Variants in SYT9 observed in about 807,000 individuals in gnomAD.
The protein encoded by SYT9 is synaptotagmin-9.
Under a neutral mutation model 48.4 loss-of-function variants are expected in SYT9, and 22 were observed. That is an observed-to-expected ratio of 0.45 (90% CI 0.32 to 0.65). The LOEUF (loss-of-function observed/expected upper bound fraction) is 0.65, where lower values mean the gene tolerates loss of function less well. SYT9 is among the 30% of genes least tolerant of loss of function. The pLI is 0.03. For missense variants in SYT9, 577 were observed against 622.0 expected (o/e 0.93, Z 0.77); for synonymous variants, 265 against 245.0 (o/e 1.08, Z -0.76).
At chr11:7,374,191 G>A (rs1850413428) in intron 3 of SYT9, among the ~76,000 whole-genome samples, 1 of 152,116 alleles carries the variant, frequency 6.6e-6, no homozygotes, top group Admixed American at 6.5e-5. Context: ...CTGTTCCTTT[G>A]TTAGTTTGCT....
chr11:7,423,074 T>C (rs1215841033), intron 6 of SYT9, among the ~76,000 whole-genome samples: 3 of 152,228 alleles, frequency 2.0e-5, no homozygotes, highest in Non-Finnish European at 4.4e-5. Context: ...TCTGAACTGT[T>C]ACAGCAGAAC....
At chr11:7,365,952 C>A (rs183734692) in intron 3 of SYT9, among the ~76,000 whole-genome samples, 2 of 152,278 alleles carry the variant, frequency 1.3e-5, no homozygotes, top group East Asian at 3.9e-4. Flanking sequence ...GATCTCTGAC[C>A]CCTGTTCTGC....
At chr11:7,432,493 G>T (rs1847594488) in intron 6 of SYT9, among the ~76,000 whole-genome samples, 1 of 143,990 alleles carries the variant, frequency 6.9e-6, no homozygotes, top group Non-Finnish European at 1.5e-5. Context: ...GCTGCAGTGA[G>T]CTGAGATTGT....
intron 3 of SYT9, among the ~76,000 whole-genome samples, chr11:7,397,748 A>T (rs985391591): frequency 6.6e-6 from 1 of 152,116 alleles, no homozygotes; most frequent in African/African-American, 2.4e-5. Context: ...TGTTAAATGC[A>T]CCCCTAACTA....
At chr11:7,249,131 C>G (rs1847829197), upstream of SYT9, among the ~76,000 whole-genome samples, 1 of 152,170 alleles carries the variant, frequency 6.6e-6, no homozygotes, top group African/African-American at 2.4e-5. Flanking sequence ...TAAGTCCTAT[C>G]TCCAAATACA....
intron 1 of SYT9, among the ~76,000 whole-genome samples, chr11:7,298,574 C>A (rs1848855278): frequency 6.6e-6 from 1 of 152,018 alleles, no homozygotes; most frequent in Non-Finnish European, 1.5e-5. Flanking sequence ...GGAAGACAAC[C>A]AATTTTTCTC....
intron 1 of SYT9, among the ~76,000 whole-genome samples, chr11:7,279,678 C>T (rs1224911036): frequency 2.0e-5 from 3 of 152,212 alleles, no homozygotes; most frequent in Non-Finnish European, 4.4e-5. Context: ...AAATACTTAC[C>T]AAGCACATAT....
chr11:7,258,852 G>A (rs1305644642), intron 1 of SYT9, among the ~76,000 whole-genome samples: 5 of 151,954 alleles, frequency 3.3e-5, no homozygotes, highest in East Asian at 1.9e-4. Context: ...TTATTTGTAG[G>A]CTAAATTTAC....
chr11:7,346,100 G>A (rs1227519641), intron 3 of SYT9, among the ~76,000 whole-genome samples: 2 of 152,148 alleles, frequency 1.3e-5, no homozygotes, highest in Non-Finnish European at 2.9e-5. Context: ...GCTTTAGTAA[G>A]GGAACTTTCC....
chr11:7,314,504 T>C (rs940375653), intron 3 of SYT9, among the ~76,000 whole-genome samples: 11 of 152,200 alleles, frequency 7.2e-5, no homozygotes, highest in Non-Finnish European at 1.3e-4. Flanking sequence ...AAAGAAACTA[T>C]AGATAATGGC....
chr11:7,391,759 A>C (rs112989490), intron 3 of SYT9, among the ~76,000 whole-genome samples: 14,451 of 142,948 alleles, frequency 0.1, 1,050 homozygotes, highest in Middle Eastern at 0.18. Context: ...AAAAAAAAAA[A>C]AAAAAACCTA....
chr11:7,342,457 G>GC (rs1849729919), intron 3 of SYT9, among the ~76,000 whole-genome samples: 1 of 152,170 alleles, frequency 6.6e-6, no homozygotes, highest in African/African-American at 2.4e-5. Flanking sequence ...AAATCCAGCA[G>GC]AGCAGTCAAA....
intron 3 of SYT9, among the ~76,000 whole-genome samples, chr11:7,368,761 T>A (rs1172142813): frequency 6.6e-6 from 1 of 152,188 alleles, no homozygotes; most frequent in Non-Finnish European, 1.5e-5. Context: ...ATTCAGTCTA[T>A]CATTGATGGG....
intron 1 of SYT9, among the ~76,000 whole-genome samples, chr11:7,265,785 G>A (rs1435579091): frequency 6.6e-6 from 1 of 151,652 alleles, no homozygotes. Flanking sequence ...TGTAACTGTA[G>A]TGTCCTAGCC....
intron 3 of SYT9, among the ~76,000 whole-genome samples, chr11:7,371,020 A>C (rs1202513929): frequency 6.6e-6 from 1 of 152,122 alleles, no homozygotes; most frequent in Non-Finnish European, 1.5e-5. Flanking sequence ...AGTAGATTTT[A>C]CTGTATACTT....
At chr11:7,383,670 C>T (rs16925591) in intron 3 of SYT9, among the ~76,000 whole-genome samples, 45,545 of 151,876 alleles carry the variant, frequency 0.3, 7,817 homozygotes, top group East Asian at 0.61. Context: ...AAGACATTTT[C>T]TCATTTAGCC....
chr11:7,354,097 G>A (rs1849971412), intron 3 of SYT9, among the ~76,000 whole-genome samples: 1 of 152,086 alleles, frequency 6.6e-6, no homozygotes, highest in African/African-American at 2.4e-5. Context: ...TTAAAAGAGG[G>A]TACCTGTGTC....
In SYT9 at chr11:7,375,259, T is replaced by C. The variant is rs748539523; in HGVS notation, c.1045-40783T>C. 7.9e-5 allele frequency among the ~76,000 whole-genome samples: 12 copies of C among 152,144 alleles called. 1 individual carries two copies. Among genetic ancestry groups the C allele is most frequent in the Non-Finnish European group, 7.4e-5 (5 of 68,010 alleles). ...TGTGGTGTTATTTCTGAGGCCTCTG[T>C]TCTGTTCTATTGGTCTATGTATCTT... On this transcript the variant is annotated intron_variant, in intron 3 of 6. Transcript: ENST00000318881.
At chr11:7,462,416 C>G (rs1313983949) in intron 6 of SYT9, among the ~76,000 whole-genome samples, 1 of 152,110 alleles carries the variant, frequency 6.6e-6, no homozygotes, top group African/African-American at 2.4e-5. Flanking sequence ...TCCTGAAAGG[C>G]AGTATAGTCA....
Sources: allele counts gnomAD v4.1 joint callset (sites outside exome capture counted in the v4.1 genomes callset), GRCh38; gene constraint gnomAD v4.1.1; transcripts MANE v1.5; gene names NCBI Gene and HGNC (gene_info 2026-07-23, HGNC 2026-07-21).